The following MCMBP variants were observed in gnomAD, a reference collection of about 807,000 sequenced individuals.
MCMBP encodes mini-chromosome maintenance complex-binding protein.
MCMBP carries 31 observed loss-of-function variants against 81.3 expected under a neutral mutation model. That is an observed-to-expected ratio of 0.38 (90% CI 0.29 to 0.51). The LOEUF is 0.51. MCMBP is among the 20% of genes least tolerant of loss of function. The pLI, the probability that MCMBP is intolerant of heterozygous loss-of-function variation, is 0.87. For synonymous variants in MCMBP, 267 were observed against 275.9 expected (o/e 0.97, Z 0.32); for missense variants, 645 against 772.1 (o/e 0.84, Z 1.95).
At chr10:119,842,687 A>G (rs1452508751) in intron 9 of MCMBP, 92 bp from the exon 10 acceptor site, 13 of 1,401,200 alleles carry the variant, frequency 9.3e-6, no homozygotes, top group African/African-American at 2.9e-5. Flanking sequence ...GCAAAGCACA[A>G]TTCAGTCGAC....
intron 2 of MCMBP, 60 bp from the exon 3 acceptor site, chr10:119,859,241 A>G: frequency 6.7e-7 from 1 of 1,503,696 alleles, no homozygotes; most frequent in Middle Eastern, 2.4e-4. Context: ...CATTAAGCAT[A>G]TATACACAAA....
intron 6 of MCMBP, 124 bp downstream of exon 6, chr10:119,852,926 A>G (rs1852882742): frequency 5.9e-6 from 7 of 1,186,242 alleles, no homozygotes; most frequent in Non-Finnish European, 7.2e-6. Flanking sequence ...AACTCTCAAC[A>G]TGTCTGTAAC....
At chr10:119,844,579 T>C (rs746232859) in intron 8 of MCMBP, among the ~76,000 whole-genome samples, 3 of 152,218 alleles carry the variant, frequency 2.0e-5, no homozygotes, top group Admixed American at 1.3e-4. Context: ...ACCTCTGTGA[T>C]GGTTAATACT....
At chr10:119,870,578 G>A (rs912749886) in intron 1 of MCMBP, among the ~76,000 whole-genome samples, 3 of 152,108 alleles carry the variant, frequency 2.0e-5, no homozygotes, top group Non-Finnish European at 4.4e-5. Context: ...GAAGGTGAAG[G>A]ATCTTCAAAG....
At chr10:119,859,598 C>T (rs1853178480) in intron 2 of MCMBP, among the ~76,000 whole-genome samples, 1 of 152,026 alleles carries the variant, frequency 6.6e-6, no homozygotes, top group Non-Finnish European at 1.5e-5. Flanking sequence ...CAGTTACTGC[C>T]ACCTAGAGGC....
intron 1 of MCMBP, among the ~76,000 whole-genome samples, chr10:119,865,673 T>C (rs1381968691): frequency 6.6e-6 from 1 of 152,234 alleles, no homozygotes; most frequent in Non-Finnish European, 1.5e-5. Context: ...TGAATGTTTA[T>C]AGTAGCAGTA....
intron 1 of MCMBP, among the ~76,000 whole-genome samples, chr10:119,868,079 G>C (rs12771470): frequency 0.055 from 8,401 of 152,218 alleles, 425 homozygotes; most frequent in South Asian, 0.27. Context: ...AACCAAAGAA[G>C]CTTAAATATA....
At chr10:119,849,307 T>G in intron 7 of MCMBP, 118 bp downstream of exon 7, 1 of 1,032,446 alleles carries the variant, frequency 9.7e-7, no homozygotes. Flanking sequence ...GCTATTAAAT[T>G]TGCAGTGATT....
In MCMBP at chr10:119,848,648, A is replaced by G. The variant is rs183571963; in HGVS notation, c.726+777T>C. ...AAAAAAACCCCCCAAAAACAAAAAA[A>G]CCCAAAATGCACAAAGAATAAGGAT... On this transcript the variant is annotated intron_variant, in intron 7 of 15. Transcript: ENST00000369077. Among the ~76,000 whole-genome samples, 48 of 152,178 alleles carry G rather than the reference A, an allele frequency of 3.2e-4. No homozygotes were observed. In the East Asian group the frequency reaches 7.5e-3, roughly 24 times the overall value.
chr10:119,840,127 TATAATC>T (rs2134349248), intron 11 of MCMBP, among the ~76,000 whole-genome samples: 1 of 152,312 alleles, frequency 6.6e-6, no homozygotes, highest in South Asian at 2.1e-4. Context: ...TAATGATAAA[TATAATC>T]ATAACGTGAA....
At chr10:119,833,971 T>A (rs1852145769) in intron 14 of MCMBP, among the ~76,000 whole-genome samples, 1 of 151,788 alleles carries the variant, frequency 6.6e-6, no homozygotes, top group African/African-American at 2.4e-5. Context: ...TCTCTAGAGG[T>A]GCTCAGATTT....
At chr10:119,848,741 ATAAG>A (rs372254448) in intron 7 of MCMBP, among the ~76,000 whole-genome samples, 10 of 152,376 alleles carry the variant, frequency 6.6e-5, no homozygotes, top group South Asian at 2.1e-4. Context: ...AAACACTAGA[ATAAG>A]TAAGATGGAA....
At chr10:119,872,492 G>GGCC in intron 1 of MCMBP, 35 bp downstream of exon 1, 3 of 1,156,826 alleles carry the variant, frequency 2.6e-6, no homozygotes, top group South Asian at 4.1e-5. Context: ...AAACTCGGCT[G>GGCC]CCCGCCCGGC....
chr10:119,872,492 G>GGCCCCCC, intron 1 of MCMBP, 35 bp downstream of exon 1: 1 of 1,156,842 alleles, frequency 8.6e-7, no homozygotes, highest in Non-Finnish European at 1.1e-6. Flanking sequence ...AAACTCGGCT[G>GGCCCCCC]CCCGCCCGGC....
chr10:119,838,496 AG>A (rs1239123527), intron 12 of MCMBP, 38 bp downstream of exon 12: 4 of 1,584,466 alleles, frequency 2.5e-6, no homozygotes, highest in Non-Finnish European at 3.5e-6. Context: ...TTTAGTGCGA[AG>A]GAAGTCAGAA....
intron 9 of MCMBP, 64 bp from the exon 10 acceptor site, chr10:119,842,659 A>G: frequency 6.5e-7 from 1 of 1,545,548 alleles, no homozygotes; most frequent in Non-Finnish European, 8.7e-7. Flanking sequence ...TGTCTTAGGT[A>G]AAAAAATAAC....
chr10:119,836,965 G>A lies in MCMBP; in HGVS notation c.1473C>T (p.Ser491=). 1 of 1,613,744 alleles carries A rather than the reference G, an allele frequency of 6.2e-7. No homozygotes were observed. Among genetic ancestry groups the A allele is most frequent in the South Asian group, 1.1e-5 (1 of 91,020 alleles). ...ITWQKVDYDF[S]YHQMEFPCNI... ...TGCAGGGGAATTCCATCTGATGGTAGCTGAAGTCATAATCCACCTTCTGCC... is the reference window on the plus strand; with the variant it reads ...TGCAGGGGAATTCCATCTGATGGTAACTGAAGTCATAATCCACCTTCTGCC... Residue 491 remains serine, a synonymous_variant, in exon 13 of 16, where the codon AGC becomes AGT. Coordinates refer to ENST00000369077, the MANE Select transcript of MCMBP (RefSeq NM_001256378.2).
chr10:119,838,279 T>A (rs185490466), intron 12 of MCMBP, among the ~76,000 whole-genome samples: 1,562 of 148,192 alleles, frequency 0.011, 27 homozygotes, highest in African/African-American at 0.033. Context: ...ATATTATATA[T>A]GATATATATT....
chr10:119,854,741 G>A (rs1487242204), intron 5 of MCMBP, among the ~76,000 whole-genome samples: 1 of 151,728 alleles, frequency 6.6e-6, no homozygotes, highest in Non-Finnish European at 1.5e-5. Flanking sequence ...TGGATCACCT[G>A]AGGTCAGGAG....
Sources: allele counts gnomAD v4.1 joint callset (sites outside exome capture counted in the v4.1 genomes callset), GRCh38; gene constraint gnomAD v4.1.1; transcripts MANE v1.5; gene names NCBI Gene and HGNC (gene_info 2026-07-23, HGNC 2026-07-21).